Variants in PAPPA observed in about 807,000 individuals in gnomAD.
The protein encoded by PAPPA is pappalysin 1, also known as pappalysin-1.
PAPPA carries 60 observed loss-of-function variants against 164.0 expected under a neutral mutation model. That is an observed-to-expected ratio of 0.37 (90% CI 0.30 to 0.45). PAPPA has a LOEUF of 0.45. PAPPA is among the 20% of genes least tolerant of loss of function. PAPPA has a pLI of 1.00. For missense variants in PAPPA, 1,782 were observed against 2,087.3 expected, an observed-to-expected ratio of 0.85 and a Z score of 2.85; for synonymous variants, 875 against 814.1, an observed-to-expected ratio of 1.07 and a Z score of -1.27.
chr9:116,233,131 A>G (rs1844618698), intron 6 of PAPPA, among the ~76,000 whole-genome samples: 1 of 152,234 alleles, frequency 6.6e-6, no homozygotes, highest in Admixed American at 6.5e-5. Flanking sequence ...AAGGTTAACA[A>G]ATATTTATTT....
chr9:116,390,434 A>G (rs1405102116), intron 21 of PAPPA, among the ~76,000 whole-genome samples: 1 of 152,142 alleles, frequency 6.6e-6, no homozygotes, highest in Non-Finnish European at 1.5e-5. Flanking sequence ...ATAAAAGATA[A>G]GCCTAGATGG....
chr9:116,207,332 TA>T (rs1844248009), intron 2 of PAPPA, 123 bp from the exon 3 acceptor site: 1 of 657,536 alleles, frequency 1.5e-6, no homozygotes, highest in African/African-American at 1.8e-5. Context: ...GGGAATTCAA[TA>T]AGGTAGTATT....
At chr9:116,324,742 C>T (rs544213063) in intron 10 of PAPPA, among the ~76,000 whole-genome samples, 79 of 152,074 alleles carry the variant, frequency 5.2e-4, no homozygotes, top group Middle Eastern at 3.4e-3. Context: ...GGCAATGCAG[C>T]GGTGGTGGGC....
At chr9:116,336,681 G>A (rs895031748) in intron 13 of PAPPA, among the ~76,000 whole-genome samples, 4 of 152,166 alleles carry the variant, frequency 2.6e-5, no homozygotes, top group African/African-American at 9.6e-5. Context: ...CGATTGATAC[G>A]TATTTGTTAG....
intron 15 of PAPPA, among the ~76,000 whole-genome samples, chr9:116,349,867 C>T (rs1846258946): frequency 6.6e-6 from 1 of 152,324 alleles, no homozygotes; most frequent in East Asian, 1.9e-4. Flanking sequence ...CTCAGACATG[C>T]CTTCACTTCG....
At chr9:116,194,794 C>G (rs1844084271) in intron 2 of PAPPA, among the ~76,000 whole-genome samples, 1 of 152,116 alleles carries the variant, frequency 6.6e-6, no homozygotes. Flanking sequence ...TCCTCCCTGT[C>G]AGCATTGTTT....
At chr9:116,194,586 C>T in intron 2 of PAPPA, among the ~76,000 whole-genome samples, 1 of 152,206 alleles carries the variant, frequency 6.6e-6, no homozygotes, top group Non-Finnish European at 1.5e-5. Context: ...CACTAGCTGT[C>T]TGACCTTGGC....
chr9:116,389,210 G>A (rs1004143994), intron 21 of PAPPA, among the ~76,000 whole-genome samples: 1 of 145,006 alleles, frequency 6.9e-6, no homozygotes, highest in African/African-American at 2.6e-5. Flanking sequence ...TTGGCTCACT[G>A]CAACCTCCGC....
intron 21 of PAPPA, among the ~76,000 whole-genome samples, chr9:116,386,866 A>T (rs1333870595): frequency 6.6e-6 from 1 of 152,120 alleles, no homozygotes; most frequent in Non-Finnish European, 1.5e-5. Flanking sequence ...CAGCCCAGAG[A>T]GGAGTTTCCC....
intron 19 of PAPPA, 26 bp downstream of exon 19, chr9:116,367,780 C>G (rs546784769): frequency 6.8e-7 from 1 of 1,468,534 alleles, no homozygotes; most frequent in Non-Finnish European, 9.5e-7. Flanking sequence ...CATCTACCCA[C>G]CTGCAGCTAA....
chr9:116,371,463 A>G (rs56837094), intron 19 of PAPPA, among the ~76,000 whole-genome samples: 9,043 of 152,254 alleles, frequency 0.059, 297 homozygotes, highest in South Asian at 0.071. Flanking sequence ...GCATATTAGT[A>G]GTAGTAGTAT....
intron 7 of PAPPA, among the ~76,000 whole-genome samples, chr9:116,238,105 C>G (rs148428341): frequency 6.6e-6 from 1 of 151,900 alleles, no homozygotes; most frequent in African/African-American, 2.4e-5. Context: ...TCCACTCTCC[C>G]CCGAGATATT....
intron 2 of PAPPA, among the ~76,000 whole-genome samples, chr9:116,202,833 A>C (rs919471995): frequency 6.6e-6 from 1 of 152,208 alleles, no homozygotes; most frequent in African/African-American, 2.4e-5. Context: ...TGCAATTAAA[A>C]AAATATGTAT....
At chr9:116,335,987 T>C (rs1846056452) in intron 13 of PAPPA, among the ~76,000 whole-genome samples, 2 of 152,198 alleles carry the variant, frequency 1.3e-5, no homozygotes, top group Non-Finnish European at 2.9e-5. Context: ...ACAGAATTTT[T>C]TGTAAAGTTC....
intron 2 of PAPPA, among the ~76,000 whole-genome samples, chr9:116,203,687 G>A (rs759956037): frequency 4.6e-5 from 7 of 152,182 alleles, no homozygotes; most frequent in Non-Finnish European, 7.4e-5. Flanking sequence ...CACTTAACCC[G>A]TGTTGCCTCT....
chr9:116,259,711 T>C (rs986553812), intron 7 of PAPPA, among the ~76,000 whole-genome samples: 5 of 152,230 alleles, frequency 3.3e-5, no homozygotes, highest in Admixed American at 6.5e-5. Context: ...TGTTAATTGA[T>C]ACAATCATTT....
chr9:116,267,835 A>G (rs1026019246), intron 8 of PAPPA, among the ~76,000 whole-genome samples: 6 of 136,206 alleles, frequency 4.4e-5, no homozygotes, highest in Non-Finnish European at 9.1e-5. Flanking sequence ...AGATTGCGCC[A>G]CTGCAGTCTG....
intron 17 of PAPPA, among the ~76,000 whole-genome samples, chr9:116,357,154 A>C (rs1317571811): frequency 6.6e-6 from 1 of 152,224 alleles, no homozygotes; most frequent in Non-Finnish European, 1.5e-5. Flanking sequence ...AAATATTCAT[A>C]TCTGTGCCAG....
chr9:116,191,522 T>C (rs1350756377), intron 2 of PAPPA, among the ~76,000 whole-genome samples: 1 of 152,040 alleles, frequency 6.6e-6, no homozygotes, highest in Non-Finnish European at 1.5e-5. Flanking sequence ...TCACTGGGGG[T>C]GTTGCAATGA....
Sources: allele counts gnomAD v4.1 joint callset (sites outside exome capture counted in the v4.1 genomes callset), GRCh38; gene constraint gnomAD v4.1.1; transcripts MANE v1.5; gene names NCBI Gene and HGNC (gene_info 2026-07-23, HGNC 2026-07-21).